The following PPFIA2 variants were observed in gnomAD, a reference collection of about 807,000 sequenced individuals.
PPFIA2 encodes the protein PPFI scaffold protein A2, also known as liprin-alpha-2.
In PPFIA2, 46 loss-of-function variants were observed where a neutral mutation model predicts 175.5. That is an observed-to-expected ratio of 0.26 (90% CI 0.21 to 0.34). The LOEUF (loss-of-function observed/expected upper bound fraction) is 0.34, where lower values mean the gene tolerates loss of function less well. Ranked by LOEUF, PPFIA2 falls within the 10% of genes least tolerant of loss-of-function variation. The pLI is 1.00. For synonymous variants in PPFIA2, 568 were observed against 511.4 expected, an observed-to-expected ratio of 1.11 and a Z score of -1.49; for missense variants, 1,179 against 1,506.1, an observed-to-expected ratio of 0.78 and a Z score of 3.60.
intron 3 of PPFIA2, among the ~76,000 whole-genome samples, chr12:81,715,264 T>TTCTGTGGGTC (rs1377504841): frequency 1.3e-5 from 2 of 151,800 alleles, no homozygotes; most frequent in South Asian, 4.2e-4. Context: ...ACTGTTTATC[T>TTCTGTGGGTC]TCATTCACTT....
At chr12:81,666,545 G>A (rs1404812377) in intron 4 of PPFIA2, among the ~76,000 whole-genome samples, 2 of 152,070 alleles carry the variant, frequency 1.3e-5, no homozygotes, top group African/African-American at 2.4e-5. Context: ...CTCACTCATA[G>A]GTGGGAATTG....
chr12:81,612,570 A>G (rs2061033142), intron 4 of PPFIA2, among the ~76,000 whole-genome samples: 1 of 152,196 alleles, frequency 6.6e-6, no homozygotes. Flanking sequence ...CTAACTCACC[A>G]TTCATTGAGG....
At chr12:81,533,334 A>G (rs912728251) in intron 4 of PPFIA2, among the ~76,000 whole-genome samples, 7 of 151,872 alleles carry the variant, frequency 4.6e-5, no homozygotes, top group African/African-American at 1.7e-4. Context: ...TTACGATTGT[A>G]TAATTTATCA....
At chr12:81,376,040 A>G (rs971425198) in intron 9 of PPFIA2, 98 bp from the exon 10 acceptor site, 7 of 1,120,164 alleles carry the variant, frequency 6.2e-6, no homozygotes, top group African/African-American at 1.6e-5. Context: ...AAACTATTGC[A>G]TTCTTGAAGT....
chr12:81,629,354 C>T (rs773202581), intron 4 of PPFIA2, among the ~76,000 whole-genome samples: 7 of 152,128 alleles, frequency 4.6e-5, no homozygotes, highest in Non-Finnish European at 1.0e-4. Flanking sequence ...ATGACCACTA[C>T]ATTTTTTCAG....
At chr12:81,698,293 T>A (rs1409286941) in intron 3 of PPFIA2, among the ~76,000 whole-genome samples, 3 of 152,126 alleles carry the variant, frequency 2.0e-5, no homozygotes, top group Non-Finnish European at 4.4e-5. Flanking sequence ...GAGGGTTTTG[T>A]CCTCATAAAT....
chr12:81,488,039 C>T (rs887860103), intron 4 of PPFIA2, among the ~76,000 whole-genome samples: 6 of 151,558 alleles, frequency 4.0e-5, no homozygotes, highest in African/African-American at 1.5e-4. Context: ...TAGTTGTGGC[C>T]GATAATTCCT....
intron 24 of PPFIA2, among the ~76,000 whole-genome samples, chr12:81,290,743 C>T (rs1396835898): frequency 1.3e-5 from 2 of 151,708 alleles, no homozygotes; most frequent in Non-Finnish European, 1.5e-5. Context: ...AGCAACACAA[C>T]ACAATTTAAC....
intron 4 of PPFIA2, among the ~76,000 whole-genome samples, chr12:81,626,022 T>C (rs74104357): frequency 0.025 from 3,723 of 151,622 alleles, 157 homozygotes; most frequent in African/African-American, 0.086. Flanking sequence ...AGGGCTCTAC[T>C]AAGTTGACAG....
At chr12:81,505,325 T>A (rs922808770) in intron 4 of PPFIA2, among the ~76,000 whole-genome samples, 4 of 149,706 alleles carry the variant, frequency 2.7e-5, no homozygotes, top group African/African-American at 9.8e-5. Flanking sequence ...CTCAAAAGAA[T>A]GCTGAAAATA....
At chr12:81,389,226 T>C (rs1041871688) in intron 8 of PPFIA2, among the ~76,000 whole-genome samples, 40 of 149,366 alleles carry the variant, frequency 2.7e-4, no homozygotes, top group African/African-American at 9.8e-4. Flanking sequence ...AATATTTATT[T>C]GGTGCAAATG....
At chr12:81,591,688 C>A (rs2058690982) in intron 4 of PPFIA2, among the ~76,000 whole-genome samples, 1 of 152,140 alleles carries the variant, frequency 6.6e-6, no homozygotes. Context: ...GAAGCCTTGG[C>A]AGCTTCCACA....
rs530320268 is a variant in PPFIA2, at chr12:81,597,480, A to G, written c.303+79311T>C. On this transcript the variant is annotated intron_variant, in intron 4 of 32. Transcript: ENST00000549396. ...TGTTTATTGTCTTTATGTTATACAC[A>G]TAAGAAAATTAAATAATGGGAATTA... 1.3e-4 allele frequency among the ~76,000 whole-genome samples: 20 copies of G among 152,222 alleles called. No individual in the cohort carries two copies. The East Asian group carries it at 2.9e-3, about 22-fold the overall frequency.
At chr12:81,336,129 T>G (rs968073645) in intron 21 of PPFIA2, among the ~76,000 whole-genome samples, 4 of 152,172 alleles carry the variant, frequency 2.6e-5, no homozygotes, top group Non-Finnish European at 5.9e-5. Context: ...ACAGAATAAT[T>G]TTTTCAAAAG....
chr12:81,263,156 C>T, intron 31 of PPFIA2, 75 bp downstream of exon 31: 1 of 1,357,978 alleles, frequency 7.4e-7, no homozygotes, highest in Non-Finnish European at 9.9e-7. Flanking sequence ...TTCCAAAAAG[C>T]AAGGTCAGAG....
intron 22 of PPFIA2, among the ~76,000 whole-genome samples, chr12:81,309,325 A>AT (rs997098017): frequency 2.0e-5 from 3 of 151,922 alleles, no homozygotes; most frequent in African/African-American, 7.2e-5. Flanking sequence ...CAACTCAATT[A>AT]TTTTTTTTAA....
chr12:81,414,247 A>G (rs1348676714), intron 7 of PPFIA2, among the ~76,000 whole-genome samples: 1 of 151,792 alleles, frequency 6.6e-6, no homozygotes, highest in Non-Finnish European at 1.5e-5. Flanking sequence ...TTAAATATTT[A>G]TCAAGGTCAG....
intron 4 of PPFIA2, among the ~76,000 whole-genome samples, chr12:81,584,548 C>T (rs986650821): frequency 4.6e-5 from 7 of 150,964 alleles, no homozygotes; most frequent in Non-Finnish European, 1.0e-4. Flanking sequence ...CTGAGAAGTG[C>T]GTAATTAGGT....
chr12:81,394,614 T>G (rs2040762530), intron 8 of PPFIA2, among the ~76,000 whole-genome samples: 1 of 151,706 alleles, frequency 6.6e-6, no homozygotes, highest in East Asian at 1.9e-4. Flanking sequence ...CGAGAACACA[T>G]GGACACAGGG....
Sources: allele counts gnomAD v4.1 joint callset (sites outside exome capture counted in the v4.1 genomes callset), GRCh38; gene constraint gnomAD v4.1.1; transcripts MANE v1.5; gene names NCBI Gene and HGNC (gene_info 2026-07-23, HGNC 2026-07-21).